Variants in CDK12 observed in about 807,000 individuals in gnomAD.
CDK12 encodes the protein cyclin-dependent kinase 12.
Under a neutral mutation model 133.8 loss-of-function variants are expected in CDK12, and 17 were observed. That is an observed-to-expected ratio of 0.13 (90% CI 0.09 to 0.19). The LOEUF (loss-of-function observed/expected upper bound fraction) is 0.19, where lower values mean the gene tolerates loss of function less well. CDK12 is among the 10% of genes least tolerant of loss of function. The pLI, the probability that CDK12 is intolerant of heterozygous loss-of-function variation, is 1.00. For synonymous variants in CDK12, 694 were observed against 683.6 expected, an observed-to-expected ratio of 1.02 and a Z score of -0.24; for missense variants, 1,508 against 1,818.7, an observed-to-expected ratio of 0.83 and a Z score of 3.11.
chr17:39,494,377 G>A (rs1205471566), intron 4 of CDK12, 147 bp from the exon 5 acceptor site: 11 of 659,232 alleles, frequency 1.7e-5, no homozygotes, highest in Admixed American at 8.8e-5. Context: ...CTGGCCTAGA[G>A]TTTACTTTTT....
intron 2 of CDK12, among the ~76,000 whole-genome samples, chr17:39,472,639 G>A (rs572999339): frequency 2.6e-5 from 4 of 152,024 alleles, no homozygotes; most frequent in South Asian, 2.1e-4. Flanking sequence ...GCATATTGCC[G>A]TATTTGCTCT....
chr17:39,491,513 G>A (rs8074276), intron 3 of CDK12, among the ~76,000 whole-genome samples: 119,579 of 151,960 alleles, frequency 0.79, 47,555 homozygotes, highest in South Asian at 0.92. Flanking sequence ...TGGGATTACA[G>A]GCGTGAGCCA....
chr17:39,489,528 G>A (rs1318181050), intron 2 of CDK12, among the ~76,000 whole-genome samples: 1 of 138,560 alleles, frequency 7.2e-6, no homozygotes, highest in African/African-American at 2.7e-5. Context: ...TTTTTGAGAC[G>A]GAGTTTCATA....
rs964832542 is a variant in CDK12, at chr17:39,498,754, A to G, written c.2420-2496A>G. 2.0e-5 allele frequency among the ~76,000 whole-genome samples: 3 copies of G among 151,904 alleles called. No individual in the cohort carries two copies. The South Asian group carries it at 6.2e-4, about 32-fold the overall frequency. ...CTATTTTGCCCAGTCTGGTTTCCAA[A>G]GCTCAGGCAATCCTCTCACCTCAGC... On this transcript the variant is annotated intron_variant, in intron 5 of 13. Coordinates refer to ENST00000447079, the MANE Select transcript of CDK12 (RefSeq NM_016507.4).
chr17:39,543,156 G>A (rs2055510726), upstream of CDK12, among the ~76,000 whole-genome samples: 1 of 152,198 alleles, frequency 6.6e-6, no homozygotes, highest in Non-Finnish European at 1.5e-5. Flanking sequence ...GCAAAAAGAG[G>A]TATGCTCTGA....
intron 5 of CDK12, among the ~76,000 whole-genome samples, chr17:39,499,734 G>A (rs775573545): frequency 2.0e-5 from 3 of 151,312 alleles, no homozygotes; most frequent in Non-Finnish European, 2.9e-5. Context: ...GGTTGGTCTC[G>A]AACTCCTGAC....
chr17:39,531,078 T>C lies in CDK12; in HGVS notation c.4235T>C (p.Leu1412Ser). ...DLRFARVPLA[L>S]HPVVGQPFLK... ...CGTTTTGCCAGGGTCCCCTTAGCGT[T>C]ACACCCGGTGGTCGGGCAACCATTC... The change falls in exon 14 of 14, where the codon TTA becomes TCA. Residue 1412 changes from leucine (L) to serine (S), a missense_variant. Physicochemically the swap from Leu to Ser is moderately radical, Grantham distance 145. Transcript: ENST00000447079. 6.2e-7 allele frequency: 1 copy of C among 1,604,908 alleles called. No individual in the cohort carries two copies. The highest frequency in any genetic ancestry group is 8.5e-7 in the Non-Finnish European group (1 of 1,176,478).
At chr17:39,495,121 C>T (rs571622759) in intron 5 of CDK12, among the ~76,000 whole-genome samples, 41 of 152,136 alleles carry the variant, frequency 2.7e-4, no homozygotes, top group African/African-American at 9.9e-4. Flanking sequence ...CACTGTCGCC[C>T]AGGCTGGATT....
intron 5 of CDK12, among the ~76,000 whole-genome samples, chr17:39,499,530 A>C: frequency 7.3e-6 from 1 of 137,090 alleles, no homozygotes; most frequent in East Asian, 2.1e-4. Context: ...TTTTCTCAAG[A>C]TGGGGTTTTG....
At chr17:39,491,017 A>T (rs1195630688) in intron 3 of CDK12, among the ~76,000 whole-genome samples, 1 of 152,042 alleles carries the variant, frequency 6.6e-6, no homozygotes, top group Non-Finnish European at 1.5e-5. Context: ...TAATATTTAG[A>T]GTACTAAGGA....
At chr17:39,482,909 ATTTTTTT>A (rs56026321) in intron 2 of CDK12, among the ~76,000 whole-genome samples, 277 of 138,792 alleles carry the variant, frequency 2.0e-3, no homozygotes, top group Middle Eastern at 3.8e-3. Flanking sequence ...CCTCAACTAA[ATTTTTTT>A]TTTTTTTTTT....
At position 39,463,267 on chromosome 17, in the gene CDK12, C is replaced by T. The variant is rs944967959; in HGVS notation, c.1046+150C>T. On this transcript the variant is annotated intron_variant, in intron 1 of 13. Coordinates refer to ENST00000447079, the MANE Select transcript of CDK12 (RefSeq NM_016507.4). ...TAGTCATTCCAGTGTGTGAATCTGT[C>T]TCCCCTTAACCCAGAATTCGAGAAG... is the stretch of plus-strand genomic sequence containing the variant. 2.4e-5 allele frequency: 17 copies of T among 723,322 alleles called. No individual in the cohort carries two copies. The African/African-American group carries it at 2.7e-4, about 11-fold the overall frequency. 44.8% of individuals were successfully genotyped at this position (723,322 alleles called of 1,614,324 possible).
At chr17:39,566,461 C>T (rs1249992927), downstream of CDK12, among the ~76,000 whole-genome samples, 5 of 152,066 alleles carry the variant, frequency 3.3e-5, no homozygotes, top group Admixed American at 6.5e-5. Flanking sequence ...CTCTAGTTTT[C>T]GGCTGCCAAG....
At position 39,532,092 on chromosome 17, in the gene CDK12, C is replaced by T. The variant is rs1399059370; in HGVS notation, c.*776C>T. ...TTCCTTTTTTGCTGATGTGTGCTCTCTCTCTCTCTTTCTCTCTCTCTCTCT... is the reference window on the plus strand; with the variant it reads ...TTCCTTTTTTGCTGATGTGTGCTCTTTCTCTCTCTTTCTCTCTCTCTCTCT... On this transcript the variant is annotated 3_prime_UTR_variant, in exon 14 of 14. Coordinates refer to ENST00000447079, the MANE Select transcript of CDK12 (RefSeq NM_016507.4). 4.6e-6 allele frequency: 1 copy of T among 216,200 alleles called. No individual in the cohort carries two copies. Among genetic ancestry groups the T allele is most frequent in the African/African-American group, 2.5e-5 (1 of 40,802 alleles). 13.4% of individuals were successfully genotyped at this position (216,200 alleles called of 1,614,324 possible).
intron 2 of CDK12, among the ~76,000 whole-genome samples, chr17:39,481,939 C>T (rs908561362): frequency 4.0e-5 from 6 of 149,780 alleles, no homozygotes; most frequent in African/African-American, 1.5e-4. Flanking sequence ...CCAGGCTGGT[C>T]TCAAACTCCT....
intron 6 of CDK12, among the ~76,000 whole-genome samples, chr17:39,504,916 A>G (rs1173393002): frequency 2.0e-5 from 3 of 149,794 alleles, no homozygotes; most frequent in Non-Finnish European, 4.4e-5. Context: ...GGAGAAAGAA[A>G]ATCTATAAAA....
At chr17:39,507,522 C>G (rs1156527731) in intron 6 of CDK12, among the ~76,000 whole-genome samples, 1 of 151,754 alleles carries the variant, frequency 6.6e-6, no homozygotes, top group African/African-American at 2.4e-5. Context: ...CCATCGCACT[C>G]CAGCCTTGGC....
chr17:39,526,022 T>A lies in CDK12; in HGVS notation c.3466T>A (p.Ser1156Thr). The A allele has an allele frequency of 6.2e-7, 1 of 1,614,134 alleles. No individual in the cohort carries two copies. Among genetic ancestry groups the A allele is most frequent in the Non-Finnish European group, 8.5e-7 (1 of 1,180,024 alleles). The change falls in exon 13 of 14, where the codon TCC becomes ACC. Residue 1156 changes from serine (S) to threonine (T), a missense_variant. Coordinates refer to ENST00000447079, the MANE Select transcript of CDK12 (RefSeq NM_016507.4). ...MQQQLEALNQ[S>T]ISALTEATSQ... ...GCAGCAGCTGGAAGCCCTGAACCAATCCATCAGTGCCCTGACGGAAGCTAC... is the reference window on the plus strand; with the variant it reads ...GCAGCAGCTGGAAGCCCTGAACCAAACCATCAGTGCCCTGACGGAAGCTAC...
Position 39,476,711 on chromosome 17 carries a change from C to CTTTTTTTTTTTTT in CDK12, c.1931+4965_1931+4977dup, listed in dbSNP as rs879840168. ...TACAGGCATGAGCCACCATGCCTGC[C>CTTTTTTTTTTTTT]TTTTTTTTTTTTTTTTTTTTTTTTT... On this transcript the variant is annotated intron_variant, in intron 2 of 13. Coordinates refer to ENST00000447079, the MANE Select transcript of CDK12 (RefSeq NM_016507.4). Among the ~76,000 whole-genome samples the CTTTTTTTTTTTTT allele has an allele frequency of 7.3e-4, 62 of 84,520 alleles. 10 individuals are homozygous for CTTTTTTTTTTTTT. Among genetic ancestry groups the CTTTTTTTTTTTTT allele is most frequent in the African/African-American group, 1.5e-3 (27 of 17,562 alleles). The allele number at this position is 84,520 out of a possible 152,430, so 55.4% of individuals were successfully genotyped here. A position where few individuals can be genotyped will look rare whatever the true frequency, so the allele number is the denominator to read the frequency against.
Sources: allele counts gnomAD v4.1 joint callset (sites outside exome capture counted in the v4.1 genomes callset), GRCh38; gene constraint gnomAD v4.1.1; transcripts MANE v1.5; gene names NCBI Gene and HGNC (gene_info 2026-07-23, HGNC 2026-07-21).